FRMD4B: variants seen among roughly 807,000 people sequenced by gnomAD.
The protein encoded by FRMD4B is FERM domain-containing protein 4B.
A neutral mutation model predicts 141.5 loss-of-function variants in FRMD4B; 74 were observed. The ratio of observed to expected loss-of-function variants is 0.52; its 90% CI spans 0.43 to 0.63. The LOEUF (loss-of-function observed/expected upper bound fraction) is 0.63. Among genes scored for constraint, FRMD4B ranks in the 30% least tolerant of loss-of-function variants. FRMD4B has a pLI of 0.00. For missense variants in FRMD4B, 1,366 were observed against 1,253.4 expected (o/e 1.09, Z -1.36); for synonymous variants, 506 against 467.9 (o/e 1.08, Z -1.05).
chr3:69,317,368 C>T (rs1010430697), intron 1 of FRMD4B, among the ~76,000 whole-genome samples: 1 of 152,086 alleles, frequency 6.6e-6, no homozygotes, highest in Non-Finnish European at 1.5e-5. Flanking sequence ...AGGATAAAAA[C>T]TTGGTTGTTT....
chr3:69,254,960 T>C (rs2093484144), intron 5 of FRMD4B, among the ~76,000 whole-genome samples: 1 of 151,806 alleles, frequency 6.6e-6, no homozygotes, highest in Non-Finnish European at 1.5e-5. Context: ...TCTTCCAAAA[T>C]GCCAATATGA....
At chr3:69,366,656 A>G (rs1011545663) in intron 1 of FRMD4B, among the ~76,000 whole-genome samples, 1 of 152,252 alleles carries the variant, frequency 6.6e-6, no homozygotes, top group Non-Finnish European at 1.5e-5. Context: ...TAAATTTATT[A>G]ACATATGTTG....
intron 1 of FRMD4B, among the ~76,000 whole-genome samples, chr3:69,507,213 T>C (rs1028434056): frequency 6.6e-6 from 1 of 152,212 alleles, no homozygotes; most frequent in Non-Finnish European, 1.5e-5. Context: ...AAATAGGCAG[T>C]ATATACAGAC....
intron 2 of FRMD4B, among the ~76,000 whole-genome samples, chr3:69,408,424 C>T (rs576572909): frequency 6.6e-6 from 1 of 152,294 alleles, no homozygotes; most frequent in African/African-American, 2.4e-5. Context: ...GAAAGTTCCG[C>T]CAATTGACGC....
At chr3:69,508,708 A>G (rs941310246) in intron 1 of FRMD4B, among the ~76,000 whole-genome samples, 9 of 152,216 alleles carry the variant, frequency 5.9e-5, no homozygotes, top group Non-Finnish European at 7.3e-5. Flanking sequence ...TTAAAATATC[A>G]GGTGATTTAA....
intron 5 of FRMD4B, among the ~76,000 whole-genome samples, chr3:69,265,806 C>G (rs1156341902): frequency 6.6e-6 from 1 of 151,950 alleles, no homozygotes; most frequent in Non-Finnish European, 1.5e-5. Context: ...ATCTTTGTTT[C>G]TAGATACCAT....
chr3:69,399,243 G>A lies in FRMD4B; in HGVS notation c.-1+33391C>T, dbSNP rs147351362. On this transcript the variant is annotated intron_variant, in intron 2 of 5. Coordinates refer to the FRMD4B transcript ENST00000459638. ...CCTCCCCACAGCTTAGAAGAGTGTGGAAGCTTGTTTGTGGTCCAGTTTCTA... is the reference window on the plus strand; with the variant it reads ...CCTCCCCACAGCTTAGAAGAGTGTGAAAGCTTGTTTGTGGTCCAGTTTCTA... 3.2e-4 allele frequency among the ~76,000 whole-genome samples: 49 copies of A among 152,298 alleles called. No homozygotes were observed. In the East Asian group the frequency reaches 8.9e-3, roughly 28 times the overall value.
intron 7 of FRMD4B, among the ~76,000 whole-genome samples, chr3:69,246,870 A>G (rs1048479709): frequency 2.0e-5 from 3 of 152,214 alleles, no homozygotes; most frequent in East Asian, 1.9e-4. Context: ...TAACTCGCCA[A>G]CCTTGATGTC....
chr3:69,306,987 A>C (rs1169367722), intron 3 of FRMD4B, among the ~76,000 whole-genome samples: 1 of 152,136 alleles, frequency 6.6e-6, no homozygotes, highest in Non-Finnish European at 1.5e-5. Flanking sequence ...AGACATAAGC[A>C]ATATTCCAGG....
Position 69,169,353 on chromosome 3 carries a change from C to CTTCCTTTTTTTTTTTTTTTTTTT in FRMD4B, c.*2507_*2508insAAAAAAAAAAAAAAAAAAAGGAA, listed in dbSNP as rs1553691418. On this transcript the variant is annotated 3_prime_UTR_variant, in exon 23 of 23. Transcript: ENST00000398540. ...AGGATTGCTGAACTTCCATTTCTTT[C>CTTCCTTTTTTTTTTTTTTTTTTT]TTTTTTTTTTTTTTTTTTTTTTCTT... 1.0e-4 allele frequency among the ~76,000 whole-genome samples: 3 copies of CTTCCTTTTTTTTTTTTTTTTTTT among 29,286 alleles called. 1 individual carries two copies. The highest frequency in any genetic ancestry group is 1.3e-4 in the African/African-American group (2 of 15,666). 19.2% of individuals were successfully genotyped at this position (29,286 alleles called of 152,430 possible). A position where few individuals can be genotyped will look rare whatever the true frequency, so the allele number is the denominator to read the frequency against.
intron 5 of FRMD4B, among the ~76,000 whole-genome samples, chr3:69,268,517 C>T (rs948941148): frequency 4.6e-5 from 7 of 151,988 alleles, no homozygotes; most frequent in African/African-American, 9.7e-5. Context: ...ATTGCTTAAA[C>T]GCACCCTGGC....
chr3:69,500,880 G>A (rs1349953714), intron 1 of FRMD4B, among the ~76,000 whole-genome samples: 1 of 152,190 alleles, frequency 6.6e-6, no homozygotes, highest in African/African-American at 2.4e-5. Flanking sequence ...CCCAGGACAA[G>A]TGGGAAAGTC....
At position 69,210,029 on chromosome 3, in the gene FRMD4B, G is replaced by T. The variant is rs1332219308; in HGVS notation, c.876+6234C>A. ...AGAAAACAGGAAGACTTTTGTGCTT[G>T]TTACTTAATTCATTTGGCTTTAGGG... On this transcript the variant is annotated intron_variant, in intron 11 of 22. Coordinates refer to ENST00000398540, the MANE Select transcript of FRMD4B (RefSeq NM_015123.3). Among the ~76,000 whole-genome samples the T allele has an allele frequency of 2.0e-5, 3 of 152,186 alleles. No homozygotes were observed. The East Asian group carries it at 5.8e-4, about 29-fold the overall frequency.
intron 4 of FRMD4B, among the ~76,000 whole-genome samples, chr3:69,300,987 C>T (rs1358046824): frequency 1.3e-5 from 2 of 152,136 alleles, no homozygotes; most frequent in Non-Finnish European, 2.9e-5. Context: ...CTGCCTACCT[C>T]GGCCTCCCAA....
chr3:69,287,723 C>G (rs2107068974), intron 5 of FRMD4B, 29 bp downstream of exon 5: 1 of 1,183,996 alleles, frequency 8.4e-7, no homozygotes, highest in Non-Finnish European at 1.3e-6. Context: ...CTGGAGGCAT[C>G]CAGTGAACAT....
chr3:69,343,821 C>A (rs1243645337), intron 1 of FRMD4B, among the ~76,000 whole-genome samples: 1 of 152,014 alleles, frequency 6.6e-6, no homozygotes, highest in African/African-American at 2.4e-5. Flanking sequence ...CTCAAGTGAT[C>A]TGCCCACCTC....
chr3:69,228,894 C>T (rs2093279573), intron 7 of FRMD4B, among the ~76,000 whole-genome samples: 1 of 150,920 alleles, frequency 6.6e-6, no homozygotes, highest in Admixed American at 6.6e-5. Context: ...TTTCTAGTTT[C>T]AGATAATCAG....
intron 1 of FRMD4B, among the ~76,000 whole-genome samples, chr3:69,444,193 G>T (rs571449898): frequency 6.6e-6 from 1 of 152,276 alleles, no homozygotes; most frequent in African/African-American, 2.4e-5. Context: ...AGACTGATTT[G>T]AGTAACAGCC....
intron 1 of FRMD4B, among the ~76,000 whole-genome samples, chr3:69,355,567 T>C (rs1462997742): frequency 2.0e-5 from 3 of 152,144 alleles, no homozygotes; most frequent in Non-Finnish European, 4.4e-5. Flanking sequence ...GGAATGTTGA[T>C]AGCCAGTTTC....
Sources: allele counts gnomAD v4.1 joint callset (sites outside exome capture counted in the v4.1 genomes callset), GRCh38; gene constraint gnomAD v4.1.1; transcripts MANE v1.5; gene names NCBI Gene and HGNC (gene_info 2026-07-23, HGNC 2026-07-21).